The following MCMDC2 variants were observed in gnomAD, a reference collection of about 807,000 sequenced individuals.
MCMDC2 encodes the protein minichromosome maintenance domain containing 2.
Under a neutral mutation model 75.8 loss-of-function variants are expected in MCMDC2, and 54 were observed. The observed-to-expected ratio is 0.71, with a 90% CI of 0.57 to 0.89. The LOEUF is 0.89. Among genes scored for constraint, MCMDC2 ranks in the 40% least tolerant of loss-of-function variants. MCMDC2 has a pLI of 0.00. For missense variants in MCMDC2, 656 were observed against 780.4 expected (o/e 0.84, Z 1.90); for synonymous variants, 249 against 274.6 (o/e 0.91, Z 0.92).
chr8:66,885,563 A>G (rs1811800508), intron 9 of MCMDC2, among the ~76,000 whole-genome samples: 1 of 151,912 alleles, frequency 6.6e-6, no homozygotes, highest in Non-Finnish European at 1.5e-5. Context: ...TTTGCCATTA[A>G]CCTTTAGACT....
chr8:66,890,733 T>C, intron 9 of MCMDC2, 132 bp from the exon 10 acceptor site: 1 of 778,988 alleles, frequency 1.3e-6, no homozygotes, highest in Non-Finnish European at 2.0e-6. Flanking sequence ...GTTAGTCATA[T>C]ATATTTTTAT....
intron 9 of MCMDC2, 31 bp from the exon 10 acceptor site, chr8:66,890,830 ATAAT>A (rs1043101671): frequency 6.5e-7 from 1 of 1,529,326 alleles, no homozygotes; most frequent in Non-Finnish European, 8.9e-7. Context: ...TGAAAATTAA[ATAAT>A]AGTAATGAAA....
chr8:66,924,447 C>T (rs1813658956), downstream of MCMDC2, among the ~76,000 whole-genome samples: 1 of 151,816 alleles, frequency 6.6e-6, no homozygotes, highest in Non-Finnish European at 1.5e-5. Flanking sequence ...ACCAGCCTGG[C>T]CAGATGGTGA....
At chr8:66,882,631 T>C (rs1811642374) in intron 8 of MCMDC2, among the ~76,000 whole-genome samples, 1 of 152,170 alleles carries the variant, frequency 6.6e-6, no homozygotes, top group South Asian at 2.1e-4. Flanking sequence ...TCCAAAGTGC[T>C]GGAATTACAG....
At chr8:66,893,297 C>T (rs753005491) in intron 10 of MCMDC2, among the ~76,000 whole-genome samples, 21 of 152,108 alleles carry the variant, frequency 1.4e-4, no homozygotes, top group Non-Finnish European at 2.8e-4. Context: ...TTGCTGGAGG[C>T]CAGGAGTTCT....
chr8:66,923,683 G>C (rs1813631533), downstream of MCMDC2, among the ~76,000 whole-genome samples: 1 of 152,020 alleles, frequency 6.6e-6, no homozygotes, highest in Admixed American at 6.6e-5. Flanking sequence ...GATCACCTGA[G>C]GTCAGGAGTT....
chr8:66,914,863 C>T (rs1813243716), intron 14 of MCMDC2, among the ~76,000 whole-genome samples: 1 of 151,214 alleles, frequency 6.6e-6, no homozygotes, highest in South Asian at 2.1e-4. Context: ...AGGTTGTGCT[C>T]ATGAACTAGA....
intron 12 of MCMDC2, among the ~76,000 whole-genome samples, chr8:66,899,084 A>T (rs567893796): frequency 6.6e-6 from 1 of 152,276 alleles, no homozygotes; most frequent in African/African-American, 2.4e-5. Flanking sequence ...AAATCTGTCT[A>T]TTACACAAAT....
chr8:66,914,455 G>T (rs1270834799), intron 14 of MCMDC2, among the ~76,000 whole-genome samples: 2 of 152,162 alleles, frequency 1.3e-5, no homozygotes, highest in Non-Finnish European at 2.9e-5. Context: ...GCAGATAGCT[G>T]AAGAATGAGA....
intron 13 of MCMDC2, among the ~76,000 whole-genome samples, chr8:66,904,819 A>G (rs776334741): frequency 1.3e-5 from 2 of 152,244 alleles, no homozygotes; most frequent in Non-Finnish European, 2.9e-5. Flanking sequence ...TTTGAATTCC[A>G]AGATCTCTTC....
chr8:66,877,105 A>G (rs1043117303), intron 4 of MCMDC2, among the ~76,000 whole-genome samples: 1 of 152,086 alleles, frequency 6.6e-6, no homozygotes, highest in Non-Finnish European at 1.5e-5. Context: ...ATGGTCAGAA[A>G]TTGTGTATAT....
At chr8:66,925,193 C>T (rs879761306), downstream of MCMDC2, among the ~76,000 whole-genome samples, 2 of 152,218 alleles carry the variant, frequency 1.3e-5, no homozygotes, top group Non-Finnish European at 2.9e-5. Flanking sequence ...GGACAGCGAA[C>T]CGGTGTTGAC....
At chr8:66,880,775 A>T in intron 7 of MCMDC2, 74 bp from the exon 8 acceptor site, 1 of 1,326,762 alleles carries the variant, frequency 7.5e-7, no homozygotes, top group Non-Finnish European at 9.8e-7. Flanking sequence ...CTAGTTCTGG[A>T]TCTTTGAACC....
downstream of MCMDC2, chr8:66,922,434 T>C (rs768026714): frequency 2.0e-6 from 1 of 508,270 alleles, no homozygotes; most frequent in Non-Finnish European, 3.9e-6. Flanking sequence ...ATTATTGCCT[T>C]ACATACATGT....
downstream of MCMDC2, chr8:66,922,582 T>A: frequency 1.9e-6 from 1 of 515,860 alleles, no homozygotes; most frequent in Middle Eastern, 3.6e-4. Context: ...CAAGAATACA[T>A]CACATAACTA....
chr8:66,924,204 A>G (rs777276822), downstream of MCMDC2, among the ~76,000 whole-genome samples: 1 of 152,192 alleles, frequency 6.6e-6, no homozygotes, highest in Non-Finnish European at 1.5e-5. Flanking sequence ...AATAATACCT[A>G]AAATATTTCA....
At position 66,919,911 on chromosome 8, in the gene MCMDC2, A is replaced by G. The variant is rs1813455351; in HGVS notation, c.*742A>G. The stretch of plus-strand genomic sequence containing the variant: ...TAGTCCTCATTTTTGGAGGGAAGAT[A>G]TCTGCTCTGAAAAGATAGGGGCACC... On this transcript the variant is annotated 3_prime_UTR_variant, in exon 15 of 15. Transcript: ENST00000422365. 1 of 152,250 alleles carries G rather than the reference A, an allele frequency of 6.6e-6. No individual in the cohort carries two copies. Among genetic ancestry groups the G allele is most frequent in the Non-Finnish European group, 1.5e-5 (1 of 68,042 alleles). The allele number at this position is 152,250 out of a possible 1,614,324, so 9.4% of individuals were successfully genotyped here. A position where few individuals can be genotyped will look rare whatever the true frequency, so the allele number is the denominator to read the frequency against.
At position 66,920,681 on chromosome 8, in the gene MCMDC2, A is replaced by T. The variant is rs1192569380; in HGVS notation, c.*1512A>T. Reference sequence around the variant, plus strand: ...AAAACTAGGATCCTTTTACAATTGGAAAGTTTAAAAACTTTTTTTTTTGGA... The same window carrying T: ...AAAACTAGGATCCTTTTACAATTGGTAAGTTTAAAAACTTTTTTTTTTGGA... On this transcript the variant is annotated 3_prime_UTR_variant, in exon 15 of 15. Coordinates refer to ENST00000422365, the MANE Select transcript of MCMDC2 (RefSeq NM_173518.5). 2 of 152,056 alleles carry T rather than the reference A, an allele frequency of 1.3e-5. No individual in the cohort carries two copies. Among genetic ancestry groups the T allele is most frequent in the Non-Finnish European group, 2.9e-5 (2 of 68,034 alleles). The allele number at this position is 152,056 out of a possible 1,614,324, so 9.4% of individuals were successfully genotyped here.
At position 66,874,229 on chromosome 8, in the gene MCMDC2, A is replaced by G; in HGVS notation, c.89A>G (p.Tyr30Cys). ...AAGTTTATAGATGATTGCAAGTACT[A>G]CAATGGTACGTTCAGCAAAGGTGAG... ...LQKFIDDCKY[Y>C]NDSKQSYAVY... Residue 30 changes from tyrosine (Y) to cysteine (C), a missense_variant, in exon 2 of 15, where the codon TAC becomes TGC. By Grantham distance (194) the Tyr-to-Cys change is radical (BLOSUM62 -2). Transcript: ENST00000422365. The G allele has an allele frequency of 1.2e-6, 2 of 1,612,182 alleles. No homozygotes were observed. Among genetic ancestry groups the G allele is most frequent in the Non-Finnish European group, 1.7e-6 (2 of 1,179,466 alleles).
Sources: gnomAD v4.1 joint callset for allele counts (sites outside exome capture counted in the v4.1 genomes callset) on GRCh38, gnomAD v4.1.1 for gene constraint, MANE v1.5 for transcripts, NCBI Gene and HGNC (gene_info 2026-07-23, HGNC 2026-07-21) for gene names.